MED12L: variants seen among roughly 807,000 people sequenced by gnomAD.
The protein encoded by MED12L is mediator of RNA polymerase II transcription subunit 12-like protein.
A neutral mutation model predicts 281.3 loss-of-function variants in MED12L; 60 were observed. That is an observed-to-expected ratio of 0.21 (90% CI 0.17 to 0.26). The LOEUF is 0.26. Ranked by LOEUF, MED12L falls within the 10% of genes least tolerant of loss-of-function variation. The probability of loss-of-function intolerance (pLI) is 1.00; values close to 1 mark genes in which losing one functional copy is unlikely to be tolerated. For missense variants in MED12L, 2,146 were observed against 2,680.9 expected (o/e 0.80, Z 4.41); for synonymous variants, 974 against 987.2 (o/e 0.99, Z 0.25).
intron 16 of MED12L, among the ~76,000 whole-genome samples, chr3:151,195,996 T>G (rs1332712161): frequency 6.6e-6 from 1 of 152,250 alleles, no homozygotes; most frequent in African/African-American, 2.4e-5. Context: ...GTTCCTTTCT[T>G]GGGTAAACAG....
In MED12L at chr3:151,373,650, A is replaced by G. The variant is rs1037138041; in HGVS notation, c.3864+884A>G. 2.6e-5 allele frequency among the ~76,000 whole-genome samples: 4 copies of G among 151,262 alleles called. No individual in the cohort carries two copies. In the East Asian group the frequency reaches 7.7e-4, roughly 29 times the overall value. On this transcript the variant is annotated intron_variant, in intron 27 of 44. Coordinates refer to ENST00000687756, the MANE Select transcript of MED12L (RefSeq NM_001393769.1). The stretch of plus-strand genomic sequence containing the variant: ...GAGCCTGCCCTCCTCTCCCCTGTTT[A>G]TTTATTATCCATATGGGTTATAATA...
At chr3:151,336,372 T>A (rs936060223) in intron 16 of MED12L, 3 of 376,954 alleles carry the variant, frequency 8.0e-6, no homozygotes, top group Admixed American at 6.7e-5. Flanking sequence ...ACTTAGTAGT[T>A]AAATGAGTTC....
Position 151,388,179 on chromosome 3 carries a change from G to A in MED12L, c.5451+7G>A. ...ATCTAGCTCAAGAGTTGATGTAAGTGGGGAAAGGAAGGAGAACCTTGGCTC... is the reference window on the plus strand; with the variant it reads ...ATCTAGCTCAAGAGTTGATGTAAGTAGGGAAAGGAAGGAGAACCTTGGCTC... On this transcript the variant is annotated splice_region_variant and intron_variant, in intron 37 of 44. Transcript: ENST00000687756. 6.3e-7 allele frequency: 1 copy of A among 1,586,016 alleles called. No homozygotes were observed. Among genetic ancestry groups the A allele is most frequent in the Non-Finnish European group, 8.5e-7 (1 of 1,171,616 alleles).
intron 16 of MED12L, among the ~76,000 whole-genome samples, chr3:151,195,606 AAG>A (rs1724544187): frequency 6.6e-6 from 1 of 152,230 alleles, no homozygotes; most frequent in South Asian, 2.1e-4. Context: ...GGGGAGCAGA[AAG>A]AGTAGCCTTA....
At chr3:151,404,688 G>C (rs1192475853) in intron 39 of MED12L, among the ~76,000 whole-genome samples, 1 of 152,174 alleles carries the variant, frequency 6.6e-6, no homozygotes, top group Non-Finnish European at 1.5e-5. Flanking sequence ...CAGAAACCAA[G>C]TCACAAAATC....
At chr3:151,312,388 A>T (rs1294770590) in intron 16 of MED12L, among the ~76,000 whole-genome samples, 1 of 152,156 alleles carries the variant, frequency 6.6e-6, no homozygotes, top group Non-Finnish European at 1.5e-5. Context: ...TCTTAACTAG[A>T]TCATAAGCTC....
At chr3:151,166,118 T>A in intron 11 of MED12L, 136 bp downstream of exon 11, 1 of 666,092 alleles carries the variant, frequency 1.5e-6, no homozygotes, top group Non-Finnish European at 2.4e-6. Flanking sequence ...TTGAAATCAT[T>A]CTATTGTTGG....
At position 151,162,082 on chromosome 3, in the gene MED12L, G is replaced by C. The variant is rs1036028636; in HGVS notation, c.1108-1811G>C. On this transcript the variant is annotated intron_variant, in intron 8 of 44. Coordinates refer to ENST00000687756, the MANE Select transcript of MED12L (RefSeq NM_001393769.1). ...GATAATGGATAAAGATGGCAGCTGA[G>C]TGGAGAGTTAAAAATATATATATAT... 2.0e-5 allele frequency among the ~76,000 whole-genome samples: 3 copies of C among 152,344 alleles called. No homozygotes were observed. In the South Asian group the frequency reaches 6.2e-4, roughly 32 times the overall value.
chr3:151,320,260 C>T (rs1006245893), intron 16 of MED12L, among the ~76,000 whole-genome samples: 2 of 152,126 alleles, frequency 1.3e-5, no homozygotes, highest in Non-Finnish European at 2.9e-5. Context: ...ATATAAAGGG[C>T]GTCATAGTCC....
intron 16 of MED12L, chr3:151,199,196 G>A (rs762101365): frequency 3.1e-6 from 5 of 1,614,152 alleles, no homozygotes; most frequent in African/African-American, 1.3e-5. Flanking sequence ...TAATGCCAGA[G>A]TAAGCAGGAA....
At chr3:151,228,198 A>G (rs1413808832) in intron 16 of MED12L, among the ~76,000 whole-genome samples, 1 of 152,196 alleles carries the variant, frequency 6.6e-6, no homozygotes, top group African/African-American at 2.4e-5. Flanking sequence ...GATTACATGC[A>G]TGCTTGTGGG....
In MED12L at chr3:151,312,832, G is replaced by A. The variant is rs527273177; in HGVS notation, c.2251-37227G>A. Among the ~76,000 whole-genome samples the A allele has an allele frequency of 1.2e-4, 18 of 152,208 alleles. No homozygotes were observed. The South Asian group carries it at 2.5e-3, about 21-fold the overall frequency. On this transcript the variant is annotated intron_variant, in intron 16 of 44. Coordinates refer to ENST00000687756, the MANE Select transcript of MED12L (RefSeq NM_001393769.1). ...GCAGGTTACCCAACCCCTCTGTGCC[G>A]CCTTCTTCTGTAAAACAGCCCTCAT...
intron 16 of MED12L, among the ~76,000 whole-genome samples, chr3:151,277,360 A>C (rs1446851532): frequency 6.6e-6 from 1 of 152,196 alleles, no homozygotes; most frequent in Non-Finnish European, 1.5e-5. Context: ...AAATCATAAA[A>C]TATGCCATTT....
chr3:151,420,734 A>G (rs1427369602), intron 43 of MED12L, among the ~76,000 whole-genome samples: 1 of 152,210 alleles, frequency 6.6e-6, no homozygotes, highest in East Asian at 1.9e-4. Flanking sequence ...AGTGAATTCC[A>G]TGAGCATGAG....
At chr3:151,354,395 C>T (rs180886333) in intron 17 of MED12L, among the ~76,000 whole-genome samples, 2 of 151,938 alleles carry the variant, frequency 1.3e-5, no homozygotes, top group Non-Finnish European at 2.9e-5. Context: ...ATAAACATGT[C>T]ACTTCTTCAT....
In MED12L at chr3:151,390,095, G is replaced by A; in HGVS notation, c.5568G>A (p.Gln1856=). ...GTTACAACCTCGTGGGCCAGCCCCA[G>A]CAGCCCGGCTTTTTCCTTCAGAACC... ...LWGYNLVGQP[Q]QPGFFLQNQS... Residue 1856 remains glutamine, a synonymous_variant, in exon 38 of 45, where the codon CAG becomes CAA. Coordinates refer to ENST00000687756, the MANE Select transcript of MED12L (RefSeq NM_001393769.1). The A allele has an allele frequency of 6.2e-7, 1 of 1,614,124 alleles. No homozygotes were observed. Among genetic ancestry groups the A allele is most frequent in the Non-Finnish European group, 8.5e-7 (1 of 1,179,986 alleles).
chr3:151,219,485 G>A (rs372772428), intron 16 of MED12L: 35 of 152,182 alleles, frequency 2.3e-4, no homozygotes, highest in African/African-American at 7.9e-4. Context: ...ATAGCACTTC[G>A]ATGAAATTAA....
intron 39 of MED12L, among the ~76,000 whole-genome samples, chr3:151,398,242 CT>C (rs1715237896): frequency 6.6e-6 from 1 of 152,172 alleles, no homozygotes; most frequent in African/African-American, 2.4e-5. Flanking sequence ...GTGACGTCTG[CT>C]ACAGTTGTTT....
At position 151,416,402 on chromosome 3, in the gene MED12L, A is replaced by T. The variant is rs200352739; in HGVS notation, c.6388A>T (p.Met2130Leu). The stretch of plus-strand genomic sequence containing the variant: ...GAGTCAGACCCTTGGTCTCCAAGCA[A>T]TGCAGCCCCAGCAGCCCTTGGTAAG... ...SQSQTLGLQA[M>L]QPQQPLFPRQ... The change falls in exon 43 of 45, where the codon ATG (methionine) becomes TTG (leucine). Residue 2130 changes from methionine (M) to leucine (L), a missense_variant. Transcript: ENST00000687756. 2 of 1,613,106 alleles carry T rather than the reference A, an allele frequency of 1.2e-6. No homozygotes were observed. Among genetic ancestry groups the T allele is most frequent in the South Asian group, 1.1e-5 (1 of 91,002 alleles).
Sources: allele counts gnomAD v4.1 joint callset (sites outside exome capture counted in the v4.1 genomes callset), GRCh38; gene constraint gnomAD v4.1.1; transcripts MANE v1.5; gene names NCBI Gene and HGNC (gene_info 2026-07-23, HGNC 2026-07-21).